The following FAM76A variants were observed in gnomAD, a reference collection of about 807,000 sequenced individuals.
FAM76A encodes the protein family with sequence similarity 76 member A.
Under a neutral mutation model 46.2 loss-of-function variants are expected in FAM76A, and 32 were observed. That is an observed-to-expected ratio of 0.69 (90% CI 0.52 to 0.93). The LOEUF is 0.93. Ranked by LOEUF, FAM76A falls within the 40% of genes least tolerant of loss-of-function variation. FAM76A has a pLI of 0.00. For missense variants in FAM76A, 274 were observed against 361.5 expected (o/e 0.76, Z 1.96); for synonymous variants, 137 against 127.0 (o/e 1.08, Z -0.53).
intron 8 of FAM76A, 148 bp downstream of exon 8, chr1:27,759,775 T>TTTG: frequency 1.6e-6 from 1 of 619,960 alleles, no homozygotes; most frequent in Non-Finnish European, 2.7e-6. Context: ...GGTTTTTTTT[T>TTTG]TTTGTTTTTT....
Position 27,752,016 on chromosome 1 carries a change from C to G in FAM76A, c.599+2862C>G, listed in dbSNP as rs2088340904. The stretch of plus-strand genomic sequence containing the variant: ...CTCGAACTCCTGGCCTCAAGTGATC[C>G]TCCTGCTTTGGCCTCCCAACATGCT... On this transcript the variant is annotated intron_variant, in intron 6 of 8. Coordinates refer to ENST00000373954, the MANE Select transcript of FAM76A (RefSeq NM_152660.3). 2.6e-5 allele frequency among the ~76,000 whole-genome samples: 4 copies of G among 152,148 alleles called. No homozygotes were observed. The South Asian group carries it at 8.3e-4, about 32-fold the overall frequency.
At position 27,756,750 on chromosome 1, in the gene FAM76A, A is replaced by G. The variant is rs538236010; in HGVS notation, c.735+1420A>G. 7.3e-5 allele frequency among the ~76,000 whole-genome samples: 11 copies of G among 150,834 alleles called. No individual in the cohort carries two copies. In the South Asian group the frequency reaches 1.5e-3, roughly 20 times the overall value. On this transcript the variant is annotated intron_variant, in intron 7 of 8. Transcript: ENST00000373954. Reference sequence around the variant, plus strand: ...GATTCATGTCTGTTATCTTGTTTTCAGGTTTTCTAAATAGTATCTCATTTT... The same window carrying G: ...GATTCATGTCTGTTATCTTGTTTTCGGGTTTTCTAAATAGTATCTCATTTT...
chr1:27,747,715 G>A (rs2088262768), intron 5 of FAM76A, among the ~76,000 whole-genome samples: 2 of 152,122 alleles, frequency 1.3e-5, no homozygotes, highest in African/African-American at 4.8e-5. Flanking sequence ...TCAGGAGTTC[G>A]AGACTAGCTT....
intron 3 of FAM76A, among the ~76,000 whole-genome samples, chr1:27,733,390 T>C (rs2087991711): frequency 6.6e-6 from 1 of 152,246 alleles, no homozygotes; most frequent in African/African-American, 2.4e-5. Context: ...AAAGAGGCCT[T>C]TTCAGAAATT....
chr1:27,750,979 A>G (rs2088322445), intron 6 of FAM76A, among the ~76,000 whole-genome samples: 1 of 152,204 alleles, frequency 6.6e-6, no homozygotes, highest in Admixed American at 6.5e-5. Flanking sequence ...CCTGGGCAAT[A>G]TGATGAAACA....
At chr1:27,726,304 G>GGGGGCCGGCGGGGCACGTGCGGGAGCC in intron 1 of FAM76A, 143 bp downstream of exon 1, 2 of 673,778 alleles carry the variant, frequency 3.0e-6, no homozygotes. Context: ...CCACCCCGCT[G>GGGGGCCGGCGGGGCACGTGCGGGAGCC]GGGGCCGGCG....
chr1:27,742,741 A>G (rs568535708), intron 4 of FAM76A, among the ~76,000 whole-genome samples: 1 of 152,252 alleles, frequency 6.6e-6, no homozygotes, highest in African/African-American at 2.4e-5. Flanking sequence ...TAGATTTTAA[A>G]TGTTCTCACC....
chr1:27,737,611 G>A (rs562215703), intron 4 of FAM76A, among the ~76,000 whole-genome samples: 81 of 151,992 alleles, frequency 5.3e-4, no homozygotes, highest in Non-Finnish European at 1.0e-3. Context: ...CAGCACTTTG[G>A]GAGGCCAAGG....
At chr1:27,744,556 G>T in intron 4 of FAM76A, 98 bp from the exon 5 acceptor site, 1 of 1,312,082 alleles carries the variant, frequency 7.6e-7, no homozygotes, top group Non-Finnish European at 1.1e-6. Context: ...ATAAGTTTCA[G>T]AACTGGGACT....
Position 27,727,486 on chromosome 1 carries a change from A to G in FAM76A, c.96A>G (p.Ala32=). The change falls in exon 2 of 9, where the codon GCA becomes GCG. Residue 32 remains alanine, a synonymous_variant. Coordinates refer to ENST00000373954, the MANE Select transcript of FAM76A (RefSeq NM_152660.3). ...GQQLCKECRI[A]HPVVKCTYCR... ...TTTCATTTCAGGAATGTCGGATTGCACACCCTGTTGTGAAGTGCACCTACT... is the reference window on the plus strand; with the variant it reads ...TTTCATTTCAGGAATGTCGGATTGCGCACCCTGTTGTGAAGTGCACCTACT... The G allele has an allele frequency of 6.2e-7, 1 of 1,613,862 alleles. No individual in the cohort carries two copies. The highest frequency in any genetic ancestry group is 8.5e-7 in the Non-Finnish European group (1 of 1,179,788).
intron 2 of FAM76A, among the ~76,000 whole-genome samples, chr1:27,729,541 G>A (rs986601629): frequency 2.6e-5 from 4 of 151,888 alleles, no homozygotes; most frequent in African/African-American, 9.7e-5. Context: ...AAAAAAAAAG[G>A]TTAAAAGAAT....
chr1:27,755,767 G>C (rs1028257739), intron 7 of FAM76A, among the ~76,000 whole-genome samples: 1 of 152,066 alleles, frequency 6.6e-6, no homozygotes, highest in East Asian at 1.9e-4. Context: ...TAGAGACATG[G>C]TCTTATTATG....
At position 27,762,510 on chromosome 1, in the gene FAM76A, CCTA is replaced by C. The variant is rs1160017756; in HGVS notation, c.*1931_*1933del. ...GTGATAGCATTCTCATAAATGGAGTCCTACACATAATTGGACAGAGATGTGGAA... is the reference window on the plus strand; with the variant it reads ...GTGATAGCATTCTCATAAATGGAGTCCACATAATTGGACAGAGATGTGGAA... On this transcript the variant is annotated 3_prime_UTR_variant, in exon 9 of 9. Coordinates refer to ENST00000373954, the MANE Select transcript of FAM76A (RefSeq NM_152660.3). 2 of 152,028 alleles carry C rather than the reference CCTA, an allele frequency of 1.3e-5. No homozygotes were observed. Among genetic ancestry groups the C allele is most frequent in the Non-Finnish European group, 2.9e-5 (2 of 68,022 alleles). The allele number at this position is 152,028 out of a possible 1,614,324, so 9.4% of individuals were successfully genotyped here.
At chr1:27,736,622 C>CT (rs1235121825) in intron 4 of FAM76A, among the ~76,000 whole-genome samples, 2 of 152,140 alleles carry the variant, frequency 1.3e-5, no homozygotes, top group African/African-American at 4.8e-5. Flanking sequence ...GAGTCTCAGT[C>CT]TATCACCCAG....
In FAM76A at chr1:27,727,916, T is replaced by G. The variant is rs181639075; in HGVS notation, c.146+380T>G. Among the ~76,000 whole-genome samples, 73 of 151,784 alleles carry G rather than the reference T, an allele frequency of 4.8e-4. No homozygotes were observed. The East Asian group carries it at 0.013, about 28-fold the overall frequency. The stretch of plus-strand genomic sequence containing the variant: ...CTTCCCTCCCAGGTTCAAGCGATTC[T>G]TATGCCTCAGCCTCCCAAGTAGCTG... On this transcript the variant is annotated intron_variant, in intron 2 of 8. Transcript: ENST00000373954.
Position 27,749,216 on chromosome 1 carries a change from G to A in FAM76A, c.599+62G>A, listed in dbSNP as rs2088295116. On this transcript the variant is annotated intron_variant, in intron 6 of 8. Transcript: ENST00000373954. Reference sequence around the variant, plus strand: ...AATGCATACACAGTTCCTGAAACAGGAATACATTTAGGGTCTGCCTTGGAA... The same window carrying A: ...AATGCATACACAGTTCCTGAAACAGAAATACATTTAGGGTCTGCCTTGGAA... 6 of 1,169,888 alleles carry A rather than the reference G, an allele frequency of 5.1e-6. No homozygotes were observed. The East Asian group carries it at 1.5e-4, about 30-fold the overall frequency. The allele number at this position is 1,169,888 out of a possible 1,614,324, so 72.5% of individuals were successfully genotyped here.
At position 27,762,820 on chromosome 1, in the gene FAM76A, A is replaced by T. The variant is rs2088529141; in HGVS notation, c.*2239A>T. 1 of 152,308 alleles carries T rather than the reference A, an allele frequency of 6.6e-6. No homozygotes were observed. Among genetic ancestry groups the T allele is most frequent in the East Asian group, 1.9e-4 (1 of 5,192 alleles). The allele number at this position is 152,308 out of a possible 1,614,324, so 9.4% of individuals were successfully genotyped here. ...GTTACATGATGTATGACAATATAAA[A>T]ACATACTTAGTTTTATACTAAATCT... On this transcript the variant is annotated 3_prime_UTR_variant, in exon 9 of 9. Transcript: ENST00000373954.
chr1:27,737,788 G>A (rs2088075247), intron 4 of FAM76A, among the ~76,000 whole-genome samples: 1 of 146,998 alleles, frequency 6.8e-6, no homozygotes, highest in African/African-American at 2.5e-5. Context: ...GGAGGCAGAG[G>A]TTGCAGTGAG....
At chr1:27,759,774 T>G (rs1383933036) in intron 8 of FAM76A, 147 bp downstream of exon 8, 17 of 615,724 alleles carry the variant, frequency 2.8e-5, no homozygotes, top group African/African-American at 1.2e-4. Flanking sequence ...AGGTTTTTTT[T>G]TTTTGTTTTT....
Sources: gnomAD v4.1 joint callset for allele counts (sites outside exome capture counted in the v4.1 genomes callset) on GRCh38, gnomAD v4.1.1 for gene constraint, MANE v1.5 for transcripts, NCBI Gene and HGNC (gene_info 2026-07-23, HGNC 2026-07-21) for gene names.